The following KCNJ13 variants were observed in gnomAD, a reference collection of about 807,000 sequenced individuals.
The protein encoded by KCNJ13 is inward rectifier potassium channel 13.
In KCNJ13, 9 loss-of-function variants were observed where a neutral mutation model predicts 24.6. The observed-to-expected ratio is 0.37, with a 90% CI of 0.22 to 0.64. KCNJ13 has a LOEUF of 0.64. Among genes scored for constraint, KCNJ13 ranks in the 30% least tolerant of loss-of-function variants. KCNJ13 has a pLI of 0.64. For missense variants in KCNJ13, 337 were observed against 443.8 expected (o/e 0.76, Z 2.16); for synonymous variants, 148 against 154.7 (o/e 0.96, Z 0.32).
intron 2 of KCNJ13, among the ~76,000 whole-genome samples, chr2:232,769,271 CTG>C (rs1377445842): frequency 6.6e-6 from 1 of 152,088 alleles, no homozygotes; most frequent in Non-Finnish European, 1.5e-5. Flanking sequence ...TGTCTCACGC[CTG>C]TAATCCCGGC....
chr2:232,766,429 AGTG>A lies in KCNJ13; in HGVS notation c.*1759_*1761del. On this transcript the variant is annotated 3_prime_UTR_variant, in exon 3 of 3. Transcript: ENST00000233826. ...AACAAGCGAGAGGGTGAACTGTGTA[AGTG>A]ATGTAGTGCCTTTAGGAAAAAACAT... The A allele has an allele frequency of 6.4e-6, 1 of 157,322 alleles. No homozygotes were observed. The allele number at this position is 157,322 out of a possible 1,614,324, so 9.7% of individuals were successfully genotyped here.
chr2:232,771,659 T>C (rs1699250703), intron 1 of KCNJ13, among the ~76,000 whole-genome samples: 1 of 152,220 alleles, frequency 6.6e-6, no homozygotes, highest in South Asian at 2.1e-4. Flanking sequence ...AGAATTCCTG[T>C]AGGTAGAGAT....
At chr2:232,776,145 C>G (rs12996714) in intron 1 of KCNJ13, among the ~76,000 whole-genome samples, 2 of 151,628 alleles carry the variant, frequency 1.3e-5, no homozygotes, top group African/African-American at 2.4e-5. Flanking sequence ...TTTTTTTCCT[C>G]AAGCCACTGA....
chr2:232,769,096 A>C (rs1273823322), intron 2 of KCNJ13, among the ~76,000 whole-genome samples: 2 of 152,220 alleles, frequency 1.3e-5, no homozygotes, highest in African/African-American at 4.8e-5. Context: ...AAGTCAAAGA[A>C]TTGGTCATTT....
intron 2 of KCNJ13, among the ~76,000 whole-genome samples, chr2:232,769,119 C>T (rs192947357): frequency 3.4e-4 from 51 of 152,162 alleles, no homozygotes; most frequent in African/African-American, 1.1e-3. Flanking sequence ...TATATTCCTG[C>T]CTGTGCTTAA....
intron 1 of KCNJ13, 139 bp downstream of exon 1, chr2:232,776,306 C>A: frequency 3.6e-6 from 2 of 554,806 alleles, no homozygotes; most frequent in Non-Finnish European, 6.4e-6. Context: ...ATATAGAAAC[C>A]TTACTATCCT....
intron 2 of KCNJ13, among the ~76,000 whole-genome samples, chr2:232,770,352 A>T (rs1699183746): frequency 6.6e-6 from 1 of 152,238 alleles, no homozygotes; most frequent in Non-Finnish European, 1.5e-5. Flanking sequence ...ACATATTTCC[A>T]GTGCATTTTG....
chr2:232,776,281 A>G, intron 1 of KCNJ13, 164 bp downstream of exon 1: 1 of 511,872 alleles, frequency 2.0e-6, no homozygotes, highest in Non-Finnish European at 3.5e-6. Context: ...CATTTTTAAG[A>G]TTTAAGGGAA....
In KCNJ13 at chr2:232,766,883, G is replaced by A. The variant is rs1273213971; in HGVS notation, c.*1308C>T. On this transcript the variant is annotated 3_prime_UTR_variant, in exon 3 of 3. Coordinates refer to ENST00000233826, the MANE Select transcript of KCNJ13 (RefSeq NM_002242.4). ...ATTTTTCCCACAGAAACCTGAATAA[G>A]GGAAATTTCAGAAAAGAACAGCCAC... The A allele has an allele frequency of 1.3e-5, 2 of 152,170 alleles. No homozygotes were observed. Among genetic ancestry groups the A allele is most frequent in the African/African-American group, 2.4e-5 (1 of 41,448 alleles). The allele number at this position is 152,170 out of a possible 1,614,324, so 9.4% of individuals were successfully genotyped here.
rs1434186828 is a variant in KCNJ13, at chr2:232,766,089, A to T, written c.*2102T>A. The T allele has an allele frequency of 4.4e-6, 2 of 456,092 alleles. No individual in the cohort carries two copies. Among genetic ancestry groups the T allele is most frequent in the Non-Finnish European group, 9.1e-6 (2 of 218,846 alleles). 28.3% of individuals were successfully genotyped at this position (456,092 alleles called of 1,614,324 possible). On this transcript the variant is annotated 3_prime_UTR_variant, in exon 3 of 3. Coordinates refer to ENST00000233826, the MANE Select transcript of KCNJ13 (RefSeq NM_002242.4). ...TTCCTCAGAGGATAATGGTCTTTCT[A>T]TAGAAAACCTAATCCTTAACCTAGA...
rs371650233 is a variant in KCNJ13, at chr2:232,768,827, T to C, written c.461-14A>G. 3.1e-6 allele frequency: 5 copies of C among 1,597,060 alleles called. No homozygotes were observed. In the African/African-American group the frequency reaches 6.7e-5, roughly 22 times the overall value. On this transcript the variant is annotated splice_polypyrimidine_tract_variant and intron_variant, in intron 2 of 2. Coordinates refer to ENST00000233826, the MANE Select transcript of KCNJ13 (RefSeq NM_002242.4). ...CCACAAAAGCACCTAAATAAGAAAT[T>C]ATTGATTTTTTTTTAGAATGAAGAC...
At chr2:232,769,766 G>A (rs911379044) in intron 2 of KCNJ13, among the ~76,000 whole-genome samples, 5 of 152,054 alleles carry the variant, frequency 3.3e-5, no homozygotes, top group Admixed American at 3.3e-4. Flanking sequence ...TATGTTTTAA[G>A]TGCTTAAAAG....
intron 1 of KCNJ13, among the ~76,000 whole-genome samples, chr2:232,775,971 C>G (rs1042193962): frequency 2.6e-5 from 4 of 152,176 alleles, no homozygotes; most frequent in Admixed American, 6.5e-5. Context: ...GCAGAAGTAT[C>G]TATTAATTTC....
intron 1 of KCNJ13, among the ~76,000 whole-genome samples, chr2:232,776,094 C>T (rs1699501466): frequency 6.6e-6 from 1 of 151,922 alleles, no homozygotes; most frequent in Admixed American, 6.6e-5. Flanking sequence ...TTTTTATGCT[C>T]ATTTTGGGTT....
In KCNJ13 at chr2:232,768,654, A is replaced by G. The variant is rs368709250; in HGVS notation, c.620T>C (p.Val207Ala). 5.0e-6 allele frequency: 8 copies of G among 1,613,904 alleles called. No homozygotes were observed. The highest frequency in any genetic ancestry group is 6.8e-6 in the Non-Finnish European group (8 of 1,179,960). Residue 207 changes from valine (V) to alanine (A), a missense_variant, in exon 3 of 3, where the codon GTA becomes GCA. Val to Ala is a moderately conservative substitution (Grantham distance 64). Around this residue, in one of 3 missense-constraint regions of KCNJ13, gnomAD observed 235 missense variants for 286.9 expected, o/e 0.82. Coordinates refer to ENST00000233826, the MANE Select transcript of KCNJ13 (RefSeq NM_002242.4). ...SPLTSVRVSA[V>A]LYQERENGKL... ...GCCATTTTCTCTTTCCTGATAGAGT[A>G]CAGCTGAGACCCGGACACTGGTTAG...
chr2:232,771,298 G>T lies in KCNJ13; in HGVS notation c.65C>A (p.Thr22Asn). 5.0e-6 allele frequency: 8 copies of T among 1,610,568 alleles called. No homozygotes were observed. Among genetic ancestry groups the T allele is most frequent in the Non-Finnish European group, 6.8e-6 (8 of 1,178,162 alleles). ...LLSQRYRRMV[T>N]KDGHSTLQMD... ...TTGAAGTGTGCTGTGGCCATCCTTGGTGACCATCCTCCGGTATCTTTGACT... is the reference window on the plus strand; with the variant it reads ...TTGAAGTGTGCTGTGGCCATCCTTGTTGACCATCCTCCGGTATCTTTGACT... The change falls in exon 2 of 3, where the codon ACC (threonine) becomes AAC (asparagine). Residue 22 changes from threonine (T) to asparagine (N), a missense_variant. By Grantham distance (65) the Thr-to-Asn change is moderately conservative. Around this residue, in one of 3 missense-constraint regions of KCNJ13, gnomAD observed 101 missense variants for 139.2 expected, o/e 0.73. Transcript: ENST00000233826.
chr2:232,772,203 C>T (rs939707582), intron 1 of KCNJ13, among the ~76,000 whole-genome samples: 7 of 152,128 alleles, frequency 4.6e-5, no homozygotes, highest in African/African-American at 1.7e-4. Flanking sequence ...GGTGAGCCAC[C>T]ATACCTGGTC....
chr2:232,771,156 A>G lies in KCNJ13; in HGVS notation c.207T>C (p.Leu69=), dbSNP rs756066841. ...GAACATACCAGAGCACTGCAAAGAC[A>G]AGCCAGTGGACAACAAAAGAAGCAG... The part of the protein sequence containing the change: ...VFSASFVVHW[L]VFAVLWYVLA... The change falls in exon 2 of 3, where the codon CTT becomes CTC. Residue 69 remains leucine (L), a synonymous_variant. Coordinates refer to ENST00000233826, the MANE Select transcript of KCNJ13 (RefSeq NM_002242.4). The G allele has an allele frequency of 4.3e-6, 7 of 1,614,140 alleles. No individual in the cohort carries two copies. The Admixed American group carries it at 1.2e-4, about 27-fold the overall frequency.
chr2:232,768,467 T>C lies in KCNJ13; in HGVS notation c.807A>G (p.Val269=), dbSNP rs147191772. Residue 269 remains valine (V), a synonymous_variant, in exon 3 of 3, where the codon GTA becomes GTG. Coordinates refer to ENST00000233826, the MANE Select transcript of KCNJ13 (RefSeq NM_002242.4). ...HENPSHFELV[V]FLSAMQEGTG... ...TGCCCTCCTGCATTGCTGAAAGGAA[T>C]ACAACTAATTCAAAGTGAGAAGGAT... 15 of 1,614,100 alleles carry C rather than the reference T, an allele frequency of 9.3e-6. No individual in the cohort carries two copies. In the African/African-American group the frequency reaches 1.9e-4, roughly 20 times the overall value.
Sources: gnomAD v4.1 joint callset for allele counts (sites outside exome capture counted in the v4.1 genomes callset) on GRCh38, gnomAD v4.1.1 for gene constraint, gnomAD v4.1.1 regional missense constraint, MANE v1.5 for transcripts, NCBI Gene and HGNC (gene_info 2026-07-23, HGNC 2026-07-21) for gene names.